The following OVCH1 variants were observed in gnomAD, a reference collection of about 807,000 sequenced individuals.
OVCH1 encodes the protein ovochymase-1.
In OVCH1, 139 loss-of-function variants were observed where a neutral mutation model predicts 138.4. The observed-to-expected ratio is 1.00, with a 90% CI of 0.87 to 1.16. OVCH1 has a LOEUF of 1.16. Ranked by LOEUF, OVCH1 falls within the 50% of genes most tolerant of loss-of-function variation. The pLI is 0.00. For missense variants in OVCH1, 1,367 were observed against 1,357.9 expected (o/e 1.01, Z -0.11); for synonymous variants, 453 against 467.8 (o/e 0.97, Z 0.41).
exon 27 of OVCH1, chr12:29,433,775 C>T: frequency 7.0e-7 from 1 of 1,421,092 alleles, no homozygotes; most frequent in Admixed American, 2.3e-5. Context: ...ATGCAAATTT[C>T]TTCTGTTTTC....
At chr12:29,468,613 T>C (rs1942397073) in intron 16 of OVCH1, among the ~76,000 whole-genome samples, 1 of 152,204 alleles carries the variant, frequency 6.6e-6, no homozygotes, top group African/African-American at 2.4e-5. Flanking sequence ...ATTAATCGGC[T>C]ACTCTTGAGG....
At chr12:29,462,709 T>TA (rs1339908949) in intron 18 of OVCH1, among the ~76,000 whole-genome samples, 1 of 152,116 alleles carries the variant, frequency 6.6e-6, no homozygotes, top group Non-Finnish European at 1.5e-5. Flanking sequence ...TAAAGAGTTT[T>TA]ATTCCAACCT....
In OVCH1 at chr12:29,459,654, A is replaced by G. The variant is rs562093919; in HGVS notation, c.2280+2200T>C. 6.3e-4 allele frequency among the ~76,000 whole-genome samples: 96 copies of G among 151,402 alleles called. 1 individual carries two copies. The South Asian group carries it at 0.019, about 29-fold the overall frequency. On this transcript the variant is annotated intron_variant, in intron 19 of 27. Coordinates refer to ENST00000318184, the Ensembl canonical transcript of OVCH1. Reference sequence around the variant, plus strand: ...ATATGATTGGATTGTTTGTAACACAAATTATAAATGCTTGAAGTGATGTGT... The same window carrying G: ...ATATGATTGGATTGTTTGTAACACAGATTATAAATGCTTGAAGTGATGTGT...
rs757760935 is a variant in OVCH1, at chr12:29,477,101, C to T, written c.1377+1G>A. 2 of 1,602,136 alleles carry T rather than the reference C, an allele frequency of 1.2e-6. No individual in the cohort carries two copies. The highest frequency in any genetic ancestry group is 1.7e-6 in the Non-Finnish European group (2 of 1,174,110). ...GGTAGAGCGATTCCTCAGTTGCCTACCTTTATAATGTGCTTCTCTGGAGCA... is the reference window on the plus strand; with the variant it reads ...GGTAGAGCGATTCCTCAGTTGCCTATCTTTATAATGTGCTTCTCTGGAGCA... On this transcript the variant is annotated splice_donor_variant, in intron 12 of 27. Transcript: ENST00000318184. LOFTEE classifies it high-confidence loss of function.
At chr12:29,496,058 G>A in intron 3 of OVCH1, 123 bp downstream of exon 3, 1 of 781,966 alleles carries the variant, frequency 1.3e-6, no homozygotes, top group Admixed American at 2.4e-5. Flanking sequence ...ATCAGTGGGT[G>A]GGTACACTGG....
At chr12:29,411,001 A>T (rs13377654), downstream of OVCH1, among the ~76,000 whole-genome samples, 84,240 of 149,938 alleles carry the variant, frequency 0.56, 25,707 homozygotes, top group Middle Eastern at 0.78. Context: ...TTGGAGGCTT[A>T]GTTTTTTTTA....
At chr12:29,474,528 G>T (rs1411428775) in intron 14 of OVCH1, among the ~76,000 whole-genome samples, 2 of 152,148 alleles carry the variant, frequency 1.3e-5, no homozygotes, top group Non-Finnish European at 2.9e-5. Context: ...ATAATTTAAT[G>T]CCTCATGTTC....
intron 26 of OVCH1, among the ~76,000 whole-genome samples, chr12:29,437,315 G>A (rs1343633628): frequency 6.6e-6 from 1 of 152,088 alleles, no homozygotes; most frequent in Non-Finnish European, 1.5e-5. Context: ...GGACAACAGT[G>A]ATTCTGAATT....
chr12:29,497,648 C>T (rs754058091), exon 1 of OVCH1: 2 of 1,613,980 alleles, frequency 1.2e-6, no homozygotes, highest in Non-Finnish European at 1.7e-6. Flanking sequence ...GGCCGATGAC[C>T]AGCAACAGCA....
intron 12 of OVCH1, 117 bp downstream of exon 12, chr12:29,476,985 A>G (rs1038977228): frequency 8.0e-7 from 1 of 1,247,490 alleles, no homozygotes; most frequent in African/African-American, 1.5e-5. Context: ...AAAAATGGCA[A>G]ATGGCTAAAA....
intron 19 of OVCH1, among the ~76,000 whole-genome samples, chr12:29,457,128 C>T (rs1941975010): frequency 6.6e-6 from 1 of 152,080 alleles, no homozygotes; most frequent in Admixed American, 6.6e-5. Context: ...TTAACCTTTC[C>T]TCTGGGCCTA....
At chr12:29,410,512 C>T (rs996497243), downstream of OVCH1, among the ~76,000 whole-genome samples, 1 of 131,148 alleles carries the variant, frequency 7.6e-6, no homozygotes, top group African/African-American at 2.6e-5. Context: ...CTGGTGGTGA[C>T]AAAATCTGTC....
intron 14 of OVCH1, among the ~76,000 whole-genome samples, 183 bp from the exon 15 acceptor site, chr12:29,473,286 A>C (rs1361724019): frequency 6.6e-6 from 1 of 152,100 alleles, no homozygotes; most frequent in African/African-American, 2.4e-5. Context: ...TCCCTGTTCC[A>C]TCTGGCTCTT....
intron 3 of OVCH1, among the ~76,000 whole-genome samples, chr12:29,418,074 C>G (rs1941056325): frequency 6.6e-6 from 1 of 152,118 alleles, no homozygotes; most frequent in Non-Finnish European, 1.5e-5. Context: ...AGTTACAGTT[C>G]CCGCAGTATG....
intron 27 of OVCH1, among the ~76,000 whole-genome samples, chr12:29,430,031 C>T (rs546774604): frequency 6.6e-6 from 1 of 152,288 alleles, no homozygotes; most frequent in African/African-American, 2.4e-5. Context: ...ACCACGTCTA[C>T]ATTTCAATTT....
At chr12:29,444,367 T>A in intron 23 of OVCH1, 87 bp from the exon 24 acceptor site, 1 of 1,334,894 alleles carries the variant, frequency 7.5e-7, no homozygotes, top group Non-Finnish European at 1.0e-6. Context: ...GGTAAACAGC[T>A]CTCTTCCCTA....
chr12:29,487,430 G>A (rs1419323296), intron 7 of OVCH1: 4 of 333,580 alleles, frequency 1.2e-5, no homozygotes, highest in African/African-American at 8.5e-5. Context: ...CCCCTGATGA[G>A]TCTATTCTCA....
intron 18 of OVCH1, among the ~76,000 whole-genome samples, chr12:29,463,219 A>T (rs369253804): frequency 5.3e-5 from 8 of 152,190 alleles, no homozygotes; most frequent in African/African-American, 1.7e-4. Context: ...TGCCAACTAC[A>T]TTAACATGCA....
At chr12:29,447,423 T>A (rs1941648259) in intron 22 of OVCH1, among the ~76,000 whole-genome samples, 1 of 152,206 alleles carries the variant, frequency 6.6e-6, no homozygotes, top group Non-Finnish European at 1.5e-5. Context: ...GCACTGCTAA[T>A]GGCAGTGAAA....
Sources: gnomAD v4.1 joint callset for allele counts (sites outside exome capture counted in the v4.1 genomes callset) on GRCh38, gnomAD v4.1.1 for gene constraint, MANE v1.5 for transcripts, NCBI Gene and HGNC (gene_info 2026-07-23, HGNC 2026-07-21) for gene names.